The following MIPEP variants were observed in gnomAD, a reference collection of about 807,000 sequenced individuals.
The protein encoded by MIPEP is mitochondrial intermediate peptidase.
A neutral mutation model predicts 90.3 loss-of-function variants in MIPEP; 79 were observed. The ratio of observed to expected loss-of-function variants is 0.87; its 90% CI spans 0.73 to 1.05. MIPEP has a LOEUF of 1.05. Among genes scored for constraint, MIPEP ranks in the 50% least tolerant of loss-of-function variants. The pLI is 0.00. For synonymous variants in MIPEP, 334 were observed against 315.8 expected (o/e 1.06, Z -0.61); for missense variants, 940 against 905.6 (o/e 1.04, Z -0.49).
chr13:23,784,266 C>G (rs1236911934), intron 16 of MIPEP, among the ~76,000 whole-genome samples: 2 of 152,174 alleles, frequency 1.3e-5, no homozygotes, highest in Non-Finnish European at 2.9e-5. Flanking sequence ...ACCAAAACAG[C>G]ATGGTACTGG....
intron 14 of MIPEP, among the ~76,000 whole-genome samples, chr13:23,814,663 G>C (rs1953214017): frequency 6.6e-6 from 1 of 152,204 alleles, no homozygotes; most frequent in African/African-American, 2.4e-5. Flanking sequence ...AACTGTGCAA[G>C]AAACATCAGG....
intron 16 of MIPEP, among the ~76,000 whole-genome samples, chr13:23,766,979 AAGGTGACCATGTTGGGAAAGC>A (rs1952596882): frequency 6.6e-6 from 1 of 152,200 alleles, no homozygotes; most frequent in African/African-American, 2.4e-5. Context: ...CTAGAGGAAG[AAGGTGACCATGTTGGGAAAGC>A]CCACTGTCAG....
At chr13:23,823,067 T>TA (rs1953327917) in intron 14 of MIPEP, among the ~76,000 whole-genome samples, 4 of 152,082 alleles carry the variant, frequency 2.6e-5, no homozygotes, top group African/African-American at 9.7e-5. Context: ...GATTGTGTGT[T>TA]GAAGTTTTAG....
intron 16 of MIPEP, among the ~76,000 whole-genome samples, chr13:23,768,779 T>A (rs9510853): frequency 6.6e-6 from 1 of 152,022 alleles, no homozygotes; most frequent in Admixed American, 6.6e-5. Flanking sequence ...GTATGGCAGA[T>A]GTAATGTTAA....
chr13:23,737,295 A>G (rs1952276848), intron 18 of MIPEP, among the ~76,000 whole-genome samples: 1 of 152,204 alleles, frequency 6.6e-6, no homozygotes, highest in African/African-American at 2.4e-5. Context: ...ACAGGCACTC[A>G]TGTAACGACC....
At chr13:23,873,420 C>T (rs1230127766) in intron 5 of MIPEP, among the ~76,000 whole-genome samples, 1 of 152,168 alleles carries the variant, frequency 6.6e-6, no homozygotes, top group African/African-American at 2.4e-5. Flanking sequence ...ACATGCTGGC[C>T]ATGGAGGCTC....
chr13:23,797,724 G>C (rs903024067), intron 16 of MIPEP, among the ~76,000 whole-genome samples: 1 of 152,122 alleles, frequency 6.6e-6, no homozygotes, highest in African/African-American at 2.4e-5. Context: ...AAACACAAAA[G>C]GTACCTTTTT....
chr13:23,768,099 C>T (rs1049497652), intron 16 of MIPEP, among the ~76,000 whole-genome samples: 13 of 152,220 alleles, frequency 8.5e-5, no homozygotes, highest in African/African-American at 3.1e-4. Flanking sequence ...TTCCTGCTAG[C>T]TTTGAAATGG....
rs369556524 is a variant in MIPEP at position 23,870,017 on chromosome 13, T to C, written c.782A>G (p.Asp261Gly). 5 of 1,589,154 alleles carry C rather than the reference T, an allele frequency of 3.1e-6. No homozygotes were observed. Among genetic ancestry groups the C allele is most frequent in the Non-Finnish European group, 4.3e-6 (5 of 1,166,988 alleles). ...IDGLHAESPDDLVREAAYKIF... is the reference protein window; with the variant it reads ...IDGLHAESPDGLVREAAYKIF... ...AAGAGAATGAAACATACATACCAAG[T>C]CATCTGGTGATTCTGCGTGGAGACC... Residue 261 changes from aspartate to glycine, a missense_variant, in exon 6 of 19, where the codon GAC (aspartate) becomes GGC (glycine). By Grantham distance (94) the Asp-to-Gly change is moderately conservative. Transcript: ENST00000382172.
intron 16 of MIPEP, among the ~76,000 whole-genome samples, chr13:23,781,471 G>A (rs1297685123): frequency 6.6e-6 from 1 of 152,128 alleles, no homozygotes; most frequent in Non-Finnish European, 1.5e-5. Flanking sequence ...ACATGGAAAG[G>A]AACAACTGGT....
intron 14 of MIPEP, among the ~76,000 whole-genome samples, chr13:23,819,323 G>C (rs1953278785): frequency 6.6e-6 from 1 of 152,200 alleles, no homozygotes; most frequent in Admixed American, 6.5e-5. Context: ...GTCTACCTGA[G>C]TCAGTGTCAT....
At chr13:23,739,541 A>T (rs1952303501) in intron 18 of MIPEP, among the ~76,000 whole-genome samples, 1 of 152,224 alleles carries the variant, frequency 6.6e-6, no homozygotes, top group African/African-American at 2.4e-5. Context: ...AGAGGGAGCC[A>T]TTTCTCAAGG....
At chr13:23,860,180 C>T (rs1034268645) in intron 9 of MIPEP, among the ~76,000 whole-genome samples, 2 of 152,148 alleles carry the variant, frequency 1.3e-5, no homozygotes, top group African/African-American at 2.4e-5. Context: ...AAAACACAGC[C>T]CACAAGAAGA....
intron 5 of MIPEP, among the ~76,000 whole-genome samples, chr13:23,872,150 G>A (rs1405579965): frequency 2.6e-5 from 4 of 152,186 alleles, no homozygotes; most frequent in Non-Finnish European, 4.4e-5. Context: ...AAACTTATAA[G>A]TTATATTTGT....
chr13:23,869,263 G>GC, intron 7 of MIPEP, 29 bp downstream of exon 7: 1 of 1,535,472 alleles, frequency 6.5e-7, no homozygotes, highest in Non-Finnish European at 8.7e-7. Context: ...ATCCTATTTT[G>GC]CCCTTAAATG....
intron 3 of MIPEP, among the ~76,000 whole-genome samples, chr13:23,880,306 G>A (rs1009232329): frequency 6.6e-6 from 1 of 152,142 alleles, no homozygotes; most frequent in Non-Finnish European, 1.5e-5. Context: ...CAGAAGTCAG[G>A]GAGAGAGTGA....
At chr13:23,847,012 C>T (rs777984427) in intron 10 of MIPEP, among the ~76,000 whole-genome samples, 1 of 151,956 alleles carries the variant, frequency 6.6e-6, no homozygotes, top group South Asian at 2.1e-4. Context: ...CCCAAGGCTA[C>T]GACAACAACT....
chr13:23,752,239 G>A (rs947392083), intron 18 of MIPEP, among the ~76,000 whole-genome samples: 4 of 152,116 alleles, frequency 2.6e-5, no homozygotes, highest in African/African-American at 9.7e-5. Context: ...AGACCAAATA[G>A]TTTACAGAGG....
intron 18 of MIPEP, among the ~76,000 whole-genome samples, chr13:23,743,932 C>A (rs1444290543): frequency 3.9e-5 from 6 of 152,214 alleles, no homozygotes; most frequent in Non-Finnish European, 7.3e-5. Flanking sequence ...AATATATGAA[C>A]AAGCCAAAGA....
Sources: gnomAD v4.1 joint callset for allele counts (sites outside exome capture counted in the v4.1 genomes callset) on GRCh38, gnomAD v4.1.1 for gene constraint, MANE v1.5 for transcripts, NCBI Gene and HGNC (gene_info 2026-07-23, HGNC 2026-07-21) for gene names.